The following TMEM135 variants were observed in gnomAD, a reference collection of about 807,000 sequenced individuals.
TMEM135 encodes transmembrane protein 135.
TMEM135 carries 30 observed loss-of-function variants against 60.3 expected under a neutral mutation model. That is an observed-to-expected ratio of 0.50 (90% CI 0.37 to 0.68). The LOEUF (loss-of-function observed/expected upper bound fraction) is 0.68. Among genes scored for constraint, TMEM135 ranks in the 30% least tolerant of loss-of-function variants. The pLI is 0.00. For synonymous variants in TMEM135, 190 were observed against 186.7 expected, an observed-to-expected ratio of 1.02 and a Z score of -0.14; for missense variants, 468 against 548.8, an observed-to-expected ratio of 0.85 and a Z score of 1.47.
chr11:87,180,868 T>G (rs1276914560), intron 5 of TMEM135, among the ~76,000 whole-genome samples: 1 of 152,150 alleles, frequency 6.6e-6, no homozygotes. Flanking sequence ...AGTGTCAAAA[T>G]GCAATATTCA....
chr11:87,302,616 T>A (rs946994660), intron 8 of TMEM135, among the ~76,000 whole-genome samples, 174 bp downstream of exon 8: 4 of 152,232 alleles, frequency 2.6e-5, no homozygotes, highest in African/African-American at 9.6e-5. Flanking sequence ...TATTTATTAT[T>A]TCTGGCAGGA....
chr11:87,176,866 A>G (rs144514665), intron 5 of TMEM135, among the ~76,000 whole-genome samples: 150 of 152,268 alleles, frequency 9.9e-4, no homozygotes, highest in Admixed American at 2.7e-3. Context: ...GAATTAAAGG[A>G]CAGTATCAAG....
At chr11:87,216,029 T>C (rs898190157) in intron 5 of TMEM135, among the ~76,000 whole-genome samples, 4 of 152,200 alleles carry the variant, frequency 2.6e-5, no homozygotes, top group Admixed American at 1.3e-4. Context: ...TATTATAGTA[T>C]ATTGTAACTG....
At chr11:87,226,081 TTTTTAATTA>T (rs565460855) in intron 5 of TMEM135, among the ~76,000 whole-genome samples, 33 of 152,300 alleles carry the variant, frequency 2.2e-4, no homozygotes, top group African/African-American at 7.5e-4. Flanking sequence ...TTGAATTGCA[TTTTTAATTA>T]TAATGACTTA....
chr11:87,232,367 T>C (rs1940908003), intron 5 of TMEM135, among the ~76,000 whole-genome samples: 1 of 152,066 alleles, frequency 6.6e-6, no homozygotes, highest in East Asian at 1.9e-4. Flanking sequence ...GAAAAAATAA[T>C]GATGAAATAA....
chr11:87,207,829 T>C (rs1940271121), intron 5 of TMEM135, among the ~76,000 whole-genome samples: 2 of 152,312 alleles, frequency 1.3e-5, no homozygotes, highest in Middle Eastern at 3.4e-3. Flanking sequence ...ATCCCCATGG[T>C]GTGCTCTTGC....
intron 6 of TMEM135, among the ~76,000 whole-genome samples, chr11:87,268,885 T>C (rs1188512953): frequency 6.6e-6 from 1 of 152,160 alleles, no homozygotes; most frequent in African/African-American, 2.4e-5. Context: ...AGCATCTAGA[T>C]TGAAAAGACA....
chr11:87,060,703 C>T (rs933372818), intron 1 of TMEM135, among the ~76,000 whole-genome samples: 6 of 150,198 alleles, frequency 4.0e-5, no homozygotes, highest in Non-Finnish European at 5.9e-5. Context: ...ATTGCAGTGG[C>T]GTGATCTCGG....
chr11:87,060,387 A>G (rs1406598358), intron 1 of TMEM135, among the ~76,000 whole-genome samples: 2 of 152,014 alleles, frequency 1.3e-5, no homozygotes, highest in Non-Finnish European at 2.9e-5. Flanking sequence ...GGTTATTTTT[A>G]TATCTTAGTT....
At chr11:87,201,509 C>T (rs1467971975) in intron 5 of TMEM135, among the ~76,000 whole-genome samples, 1 of 152,106 alleles carries the variant, frequency 6.6e-6, no homozygotes, top group African/African-American at 2.4e-5. Flanking sequence ...TTTCATCCTT[C>T]AGTAATCTTG....
chr11:87,278,739 C>A (rs1942009231), intron 6 of TMEM135, among the ~76,000 whole-genome samples: 1 of 152,068 alleles, frequency 6.6e-6, no homozygotes, highest in African/African-American at 2.4e-5. Context: ...GAAGAGTATA[C>A]TCTATGAGTT....
At position 87,120,472 on chromosome 11, in the gene TMEM135, C is replaced by CTTTTTTTTT. The variant is rs541561365; in HGVS notation, c.396+29086_396+29094dup. ...TAAAATATAGCATGAGATGAAATTT[C>CTTTTTTTTT]TTTTTTTTTTTTTTTTTGAGACAGA... is the stretch of plus-strand genomic sequence containing the variant. On this transcript the variant is annotated intron_variant, in intron 4 of 14. Coordinates refer to ENST00000305494, the MANE Select transcript of TMEM135 (RefSeq NM_022918.4). 2.7e-3 allele frequency among the ~76,000 whole-genome samples: 277 copies of CTTTTTTTTT among 104,202 alleles called. 8 individuals carry two copies. The highest frequency in any genetic ancestry group is 9.6e-3 in the Middle Eastern group (1 of 104). 68.4% of individuals were successfully genotyped at this position (104,202 alleles called of 152,430 possible).
chr11:87,302,354 G>A lies in TMEM135; in HGVS notation c.610G>A (p.Ala204Thr), dbSNP rs143859974. The change falls in exon 8 of 15, where the codon GCA becomes ACA. Residue 204 changes from alanine (A) to threonine (T), a missense_variant. Physicochemically the swap from Ala to Thr is moderately conservative, Grantham distance 58 (BLOSUM62 0). Transcript: ENST00000305494. Reference sequence around the variant, plus strand: ...TTCTTTTTCACCAGAGGCAGCATATGCAAAAGTGGAACAAAAGAGAGAGCA... The same window carrying A: ...TTCTTTTTCACCAGAGGCAGCATATACAAAAGTGGAACAAAAGAGAGAGCA... The part of the protein sequence containing the change: ...THSFSPEAAY[A>T]KVEQKREQHE... The A allele has an allele frequency of 6.2e-7, 1 of 1,613,712 alleles. No homozygotes were observed. Among genetic ancestry groups the A allele is most frequent in the Non-Finnish European group, 8.5e-7 (1 of 1,179,916 alleles).
intron 4 of TMEM135, among the ~76,000 whole-genome samples, chr11:87,099,638 A>C: frequency 6.9e-6 from 1 of 144,872 alleles, no homozygotes; most frequent in Non-Finnish European, 1.5e-5. Flanking sequence ...AATGCCCATT[A>C]GTGCAGTTGC....
At chr11:87,046,148 G>A (rs955056384) in intron 1 of TMEM135, among the ~76,000 whole-genome samples, 1 of 152,344 alleles carries the variant, frequency 6.6e-6, no homozygotes, top group South Asian at 2.1e-4. Flanking sequence ...GCTCATGCCT[G>A]TAATACCAGC....
At chr11:87,271,166 C>T (rs1941854348) in intron 6 of TMEM135, among the ~76,000 whole-genome samples, 3 of 152,074 alleles carry the variant, frequency 2.0e-5, no homozygotes, top group Admixed American at 2.0e-4. Context: ...AGAAGAAAGA[C>T]CTCCTTGAAA....
chr11:87,207,805 A>G (rs936215064), intron 5 of TMEM135, among the ~76,000 whole-genome samples: 5 of 152,162 alleles, frequency 3.3e-5, no homozygotes, highest in Admixed American at 1.3e-4. Context: ...ACTTATGCCC[A>G]TGCCTCCCCT....
At chr11:87,076,861 C>T (rs1856883926) in intron 3 of TMEM135, among the ~76,000 whole-genome samples, 1 of 152,156 alleles carries the variant, frequency 6.6e-6, no homozygotes, top group African/African-American at 2.4e-5. Context: ...TCCTTCATGA[C>T]TCTGCCTGGT....
At chr11:87,290,674 A>C (rs983601248) in intron 6 of TMEM135, among the ~76,000 whole-genome samples, 18 of 152,300 alleles carry the variant, frequency 1.2e-4, no homozygotes, top group Admixed American at 1.2e-3. Flanking sequence ...TTTCCTGTAC[A>C]TAGTATGCGA....
Sources: gnomAD v4.1 joint callset for allele counts (sites outside exome capture counted in the v4.1 genomes callset) on GRCh38, gnomAD v4.1.1 for gene constraint, MANE v1.5 for transcripts, NCBI Gene and HGNC (gene_info 2026-07-23, HGNC 2026-07-21) for gene names.